The following PCMTD2 variants were observed in gnomAD, a reference collection of about 807,000 sequenced individuals.
PCMTD2 encodes protein-L-isoaspartate O-methyltransferase domain-containing protein 2.
A neutral mutation model predicts 33.4 loss-of-function variants in PCMTD2; 16 were observed. That is an observed-to-expected ratio of 0.48 (90% CI 0.32 to 0.73). PCMTD2 has a LOEUF of 0.73. Among genes scored for constraint, PCMTD2 ranks in the 30% least tolerant of loss-of-function variants. The pLI is 0.03. For synonymous variants in PCMTD2, 161 were observed against 160.8 expected (o/e 1.00, Z -0.01); for missense variants, 374 against 449.9 (o/e 0.83, Z 1.53).
At chr20:64,260,421 G>A in intron 2 of PCMTD2, 149 bp downstream of exon 2, 1 of 625,744 alleles carries the variant, frequency 1.6e-6, no homozygotes, top group Non-Finnish European at 2.8e-6. Context: ...ACTGGGTGGT[G>A]GATAGAGGGA....
intron 5 of PCMTD2, among the ~76,000 whole-genome samples, chr20:64,268,719 GTCTT>G (rs1985760253): frequency 1.6e-5 from 2 of 127,718 alleles, no homozygotes; most frequent in African/African-American, 6.4e-5. Context: ...GTTTTGCATA[GTCTT>G]ACAAAAAAAA....
At chr20:64,261,749 G>T (rs568672767) in intron 2 of PCMTD2, among the ~76,000 whole-genome samples, 4 of 152,270 alleles carry the variant, frequency 2.6e-5, no homozygotes, top group Non-Finnish European at 5.9e-5. Context: ...CTTCAATTGA[G>T]ACTGTTGTGA....
At chr20:64,267,401 G>C (rs970153712) in intron 4 of PCMTD2, among the ~76,000 whole-genome samples, 7 of 152,152 alleles carry the variant, frequency 4.6e-5, no homozygotes, top group Non-Finnish European at 1.0e-4. Flanking sequence ...AAAAGTAACA[G>C]GGATTCTGTA....
At chr20:64,260,800 G>GGATCCAGCAAATCCTCCTGA (rs1266725322) in intron 2 of PCMTD2, among the ~76,000 whole-genome samples, 1 of 150,618 alleles carries the variant, frequency 6.6e-6, no homozygotes, top group Non-Finnish European at 1.5e-5. Flanking sequence ...TGACCTCCTG[G>GGATCCAGCAAATCCTCCTGA]GATCCAGCAA....
rs192026676 is a variant in PCMTD2 at position 64,261,776 on chromosome 20, A to G, written c.307+1504A>G. 2.7e-3 allele frequency among the ~76,000 whole-genome samples: 407 copies of G among 152,286 alleles called. 3 individuals carry two copies. Among genetic ancestry groups the G allele is most frequent in the African/African-American group, 9.4e-3 (391 of 41,554 alleles). Reference sequence around the variant, plus strand: ...CTGTTGTGATCCCTGTGCTTTGAGAAGAGAACACAGTGCCCAGATTATTTA... The same window carrying G: ...CTGTTGTGATCCCTGTGCTTTGAGAGGAGAACACAGTGCCCAGATTATTTA... On this transcript the variant is annotated intron_variant, in intron 2 of 5. Transcript: ENST00000308824.
At chr20:64,265,507 CTT>C in intron 4 of PCMTD2, 78 bp downstream of exon 4, 1 of 1,110,612 alleles carries the variant, frequency 9.0e-7, no homozygotes, top group Non-Finnish European at 1.3e-6. Context: ...GATACTTACT[CTT>C]TTAACAATTT....
At chr20:64,268,944 T>G (rs913861492) in intron 5 of PCMTD2, among the ~76,000 whole-genome samples, 2 of 152,126 alleles carry the variant, frequency 1.3e-5, no homozygotes, top group East Asian at 1.9e-4. Flanking sequence ...CAGAGGGTGA[T>G]GTCTGTGCTT....
chr20:64,269,886 C>T (rs1215700568), intron 5 of PCMTD2, among the ~76,000 whole-genome samples: 1 of 131,476 alleles, frequency 7.6e-6, no homozygotes, highest in Non-Finnish European at 1.6e-5. Context: ...CGTGTGGGGT[C>T]GTGTGAGTGC....
chr20:64,266,942 TAAAC>T (rs1340860064), intron 4 of PCMTD2, among the ~76,000 whole-genome samples: 1 of 152,248 alleles, frequency 6.6e-6, no homozygotes, highest in African/African-American at 2.4e-5. Flanking sequence ...AATGTTTAAA[TAAAC>T]ATATGTTTTG....
At chr20:64,263,779 C>G (rs966269565) in intron 2 of PCMTD2, among the ~76,000 whole-genome samples, 6 of 152,140 alleles carry the variant, frequency 3.9e-5, no homozygotes, top group African/African-American at 1.4e-4. Context: ...CCTTTGTCGG[C>G]AAAGATGAAT....
chr20:64,265,519 T>G (rs1289411331), intron 4 of PCMTD2, 90 bp downstream of exon 4: 1 of 1,017,916 alleles, frequency 9.8e-7, no homozygotes, highest in Non-Finnish European at 1.4e-6. Flanking sequence ...TTTAACAATT[T>G]CCTGCATTTC....
chr20:64,256,482 T>G (rs1985173510), intron 1 of PCMTD2: 1 of 152,216 alleles, frequency 6.6e-6, no homozygotes, highest in Non-Finnish European at 1.5e-5. Flanking sequence ...CACCTAAATA[T>G]CCACGCCCTC....
chr20:64,258,601 T>C (rs978584029), intron 1 of PCMTD2, among the ~76,000 whole-genome samples: 1 of 152,232 alleles, frequency 6.6e-6, no homozygotes, highest in Non-Finnish European at 1.5e-5. Flanking sequence ...TCTCCAGTTG[T>C]GTACGTGGGT....
chr20:64,262,336 T>C (rs1405366144), intron 2 of PCMTD2, among the ~76,000 whole-genome samples: 2 of 152,192 alleles, frequency 1.3e-5, no homozygotes, highest in African/African-American at 4.8e-5. Context: ...GCCTTCCAAC[T>C]TGATACAGTT....
chr20:64,267,259 G>A (rs1191557361), intron 4 of PCMTD2, among the ~76,000 whole-genome samples: 1 of 152,196 alleles, frequency 6.6e-6, no homozygotes, highest in Non-Finnish European at 1.5e-5. Flanking sequence ...ACACTGGAGT[G>A]TGTTAAGCCA....
rs559106566 is a variant in PCMTD2 at position 64,260,030 on chromosome 20, A to G, written c.65A>G (p.Gln22Arg). Reference protein sequence around the residue: ...DELIDNLKEAQYIRTELVEQA... With the variant: ...DELIDNLKEARYIRTELVEQA... The stretch of plus-strand genomic sequence containing the variant: ...CTGATAGATAATTTGAAAGAAGCAC[A>G]GTATATCCGGACTGAGCTGGTAGAG... Residue 22 changes from glutamine (Q) to arginine (R), a missense_variant, in exon 2 of 6, where the codon CAG becomes CGG. Transcript: ENST00000308824. 13 of 1,612,324 alleles carry G rather than the reference A, an allele frequency of 8.1e-6. No individual in the cohort carries two copies. The Admixed American group carries it at 1.0e-4, about 12-fold the overall frequency.
rs533248360 is a variant in PCMTD2, at chr20:64,257,364, A to G, written c.-25+1494A>G. Among the ~76,000 whole-genome samples, 4 of 152,308 alleles carry G rather than the reference A, an allele frequency of 2.6e-5. No homozygotes were observed. In the East Asian group the frequency reaches 7.7e-4, roughly 29 times the overall value. ...CATTGTAAGGAGCAGCCAGGTTGTT[A>G]TGGACTGTTGCTAGTTACCACAGAG... is the stretch of plus-strand genomic sequence containing the variant. On this transcript the variant is annotated intron_variant, in intron 1 of 5. Coordinates refer to ENST00000308824, the MANE Select transcript of PCMTD2 (RefSeq NM_018257.3).
rs558557698 is a variant in PCMTD2 at position 64,264,046 on chromosome 20, A to G, written c.308-383A>G. 8.5e-5 allele frequency among the ~76,000 whole-genome samples: 13 copies of G among 152,330 alleles called. 1 individual carries two copies. Among genetic ancestry groups the G allele is most frequent in the African/African-American group, 3.1e-4 (13 of 41,564 alleles). The stretch of plus-strand genomic sequence containing the variant: ...ATGATGATTGAACCCTGTTTTGTGA[A>G]TATTATAATGCTCACATCTGAGTGT... On this transcript the variant is annotated intron_variant, in intron 2 of 5. Transcript: ENST00000308824.
chr20:64,272,902 A>G (rs1985965002), intron 5 of PCMTD2, among the ~76,000 whole-genome samples: 1 of 152,236 alleles, frequency 6.6e-6, no homozygotes, highest in Non-Finnish European at 1.5e-5. Flanking sequence ...AAATAATAGA[A>G]TAATGAAACT....
Sources: allele counts gnomAD v4.1 joint callset (sites outside exome capture counted in the v4.1 genomes callset), GRCh38; gene constraint gnomAD v4.1.1; transcripts MANE v1.5; gene names NCBI Gene and HGNC (gene_info 2026-07-23, HGNC 2026-07-21).